Variants in JAKMIP3 observed in about 807,000 individuals in gnomAD.
JAKMIP3 encodes janus kinase and microtubule-interacting protein 3.
Under a neutral mutation model 118.5 loss-of-function variants are expected in JAKMIP3, and 58 were observed. The observed-to-expected ratio is 0.49, with a 90% CI of 0.40 to 0.61. JAKMIP3 has a LOEUF of 0.61. JAKMIP3 is among the 20% of genes least tolerant of loss of function. The pLI, the probability that JAKMIP3 is intolerant of heterozygous loss-of-function variation, is 0.00. For synonymous variants in JAKMIP3, 486 were observed against 451.2 expected (o/e 1.08, Z -0.98); for missense variants, 950 against 1,109.0 (o/e 0.86, Z 2.04).
At chr10:132,121,896 G>A (rs2135443143) in intron 3 of JAKMIP3, among the ~76,000 whole-genome samples, 1 of 152,274 alleles carries the variant, frequency 6.6e-6, no homozygotes, top group Middle Eastern at 3.4e-3. Context: ...GGTGAAGGAG[G>A]GGGAGGGTCT....
intron 19 of JAKMIP3, among the ~76,000 whole-genome samples, chr10:132,159,506 TG>T (rs1013662281): frequency 7.6e-6 from 1 of 131,630 alleles, no homozygotes; most frequent in Admixed American, 7.9e-5. Context: ...CCCTGTGTGA[TG>T]CTGGGGGTGT....
chr10:132,128,354 C>T (rs1034696881), intron 3 of JAKMIP3, among the ~76,000 whole-genome samples: 19 of 152,148 alleles, frequency 1.2e-4, no homozygotes, highest in African/African-American at 4.6e-4. Context: ...CTCTGGTTTT[C>T]ATCAGTTTCA....
At chr10:132,172,330 C>G (rs1328802278) in intron 23 of JAKMIP3, among the ~76,000 whole-genome samples, 1 of 152,094 alleles carries the variant, frequency 6.6e-6, no homozygotes, top group Non-Finnish European at 1.5e-5. Context: ...ACCTTGATCA[C>G]TTGCCTAAGG....
intron 3 of JAKMIP3, among the ~76,000 whole-genome samples, chr10:132,124,243 C>A (rs1294067787): frequency 2.6e-5 from 4 of 152,256 alleles, no homozygotes. Flanking sequence ...TGCGTCACAG[C>A]CGAGCCGGCC....
chr10:132,131,535 A>G (rs2050614601), intron 3 of JAKMIP3, among the ~76,000 whole-genome samples: 1 of 151,756 alleles, frequency 6.6e-6, no homozygotes, highest in Non-Finnish European at 1.5e-5. Flanking sequence ...TCCTGTTCTT[A>G]GTGCCGGGGT....
At chr10:132,061,218 C>T (rs1258989374), upstream of JAKMIP3, among the ~76,000 whole-genome samples, 4 of 135,016 alleles carry the variant, frequency 3.0e-5, no homozygotes, top group East Asian at 2.5e-4. Flanking sequence ...GCCGTGACGG[C>T]GCACACATAC....
chr10:132,180,590 T>TGCGTGC lies in JAKMIP3; in HGVS notation c.*1104-1766_*1104-1765insCGTGCG, dbSNP rs1428695262. 4.1e-3 allele frequency among the ~76,000 whole-genome samples: 88 copies of TGCGTGC among 21,680 alleles called. 13 individuals are homozygous for TGCGTGC. The highest frequency in any genetic ancestry group is 7.2e-3 in the East Asian group (8 of 1,118). The allele number at this position is 21,680 out of a possible 152,430, so 14.2% of individuals were successfully genotyped here. A position where few individuals can be genotyped will look rare whatever the true frequency, so the allele number is the denominator to read the frequency against. The stretch of plus-strand genomic sequence containing the variant: ...GTGCGTGTGTGTGTGCGTGCGCGTG[T>TGCGTGC]GTGTGTGCGTGCGCGTGTGTGTGTG... On this transcript the variant is annotated intron_variant, in intron 23 of 23. Transcript: ENST00000684848.
At chr10:132,127,616 G>A (rs2049876419) in intron 3 of JAKMIP3, among the ~76,000 whole-genome samples, 1 of 152,086 alleles carries the variant, frequency 6.6e-6, no homozygotes, top group Non-Finnish European at 1.5e-5. Context: ...TTTCATTGCT[G>A]ATGCTGAGAA....
chr10:132,042,520 C>T (rs1037250975), intron 1 of JAKMIP3, among the ~76,000 whole-genome samples: 1 of 152,150 alleles, frequency 6.6e-6, no homozygotes. Flanking sequence ...TTTCTCTTTT[C>T]ATCTTCACTC....
intron 11 of JAKMIP3, chr10:132,144,463 A>G (rs961066158): frequency 1.3e-5 from 2 of 152,404 alleles, no homozygotes; most frequent in African/African-American, 4.8e-5. Context: ...TCCCTCGAAC[A>G]AAGCCCTCTG....
chr10:132,137,419 G>A, intron 8 of JAKMIP3, 130 bp downstream of exon 8: 3 of 1,137,906 alleles, frequency 2.6e-6, no homozygotes, highest in South Asian at 1.4e-5. Context: ...GGTGGATTTT[G>A]TTGTTGCAGT....
At chr10:132,164,143 C>T (rs1156800484) in intron 20 of JAKMIP3, among the ~76,000 whole-genome samples, 1 of 152,234 alleles carries the variant, frequency 6.6e-6, no homozygotes, top group Non-Finnish European at 1.5e-5. Flanking sequence ...TAATGTTGGC[C>T]ATGCTCTGCT....
At chr10:132,090,933 T>G (rs1276933241) in intron 1 of JAKMIP3, among the ~76,000 whole-genome samples, 2 of 152,244 alleles carry the variant, frequency 1.3e-5, no homozygotes, top group Non-Finnish European at 2.9e-5. Context: ...TAAATTTCCC[T>G]CTACACACTG....
chr10:132,090,267 A>G (rs939012967), intron 1 of JAKMIP3, among the ~76,000 whole-genome samples: 2 of 152,230 alleles, frequency 1.3e-5, no homozygotes, highest in Non-Finnish European at 2.9e-5. Flanking sequence ...GTTGATTGGA[A>G]TAGTTTCGGA....
intron 4 of JAKMIP3, among the ~76,000 whole-genome samples, chr10:132,134,601 C>T (rs1032501578): frequency 8.5e-5 from 13 of 152,154 alleles, no homozygotes; most frequent in Non-Finnish European, 1.9e-4. Context: ...AGAGAAATGC[C>T]GCCCCGTGGG....
intron 1 of JAKMIP3, among the ~76,000 whole-genome samples, chr10:132,069,507 C>T (rs753223203): frequency 6.6e-6 from 1 of 152,054 alleles, no homozygotes. Flanking sequence ...TGATGAGCTC[C>T]GATGGGGAGG....
chr10:132,080,343 G>A (rs1194587397), intron 1 of JAKMIP3, among the ~76,000 whole-genome samples: 1 of 152,040 alleles, frequency 6.6e-6, no homozygotes, highest in Non-Finnish European at 1.5e-5. Context: ...AGGTGGCGTT[G>A]CATAGTGGTT....
chr10:132,085,144 T>C (rs139152180), intron 1 of JAKMIP3, among the ~76,000 whole-genome samples: 7 of 151,504 alleles, frequency 4.6e-5, no homozygotes, highest in Non-Finnish European at 8.9e-5. Flanking sequence ...GTCAATAGGA[T>C]TGGTACCAAT....
chr10:132,169,438 G>T (rs2059255099), intron 23 of JAKMIP3, among the ~76,000 whole-genome samples: 1 of 152,222 alleles, frequency 6.6e-6, no homozygotes, highest in Non-Finnish European at 1.5e-5. Flanking sequence ...GGCACCTGAG[G>T]TGTCCGCTCT....
Sources: allele counts gnomAD v4.1 joint callset (sites outside exome capture counted in the v4.1 genomes callset), GRCh38; gene constraint gnomAD v4.1.1; transcripts MANE v1.5; gene names NCBI Gene and HGNC (gene_info 2026-07-23, HGNC 2026-07-21).